The following GCSAML variants were observed in gnomAD, a reference collection of about 807,000 sequenced individuals.
GCSAML encodes the protein germinal center associated signaling and motility like.
A neutral mutation model predicts 13.0 loss-of-function variants in GCSAML; 9 were observed. The observed-to-expected ratio is 0.69, with a 90% CI of 0.42 to 1.21. The LOEUF (loss-of-function observed/expected upper bound fraction) is 1.21, where lower values mean the gene tolerates loss of function less well. Among genes scored for constraint, GCSAML ranks in the 50% most tolerant of loss-of-function variants. The probability of loss-of-function intolerance (pLI) is 0.00; values close to 1 mark genes in which losing one functional copy is unlikely to be tolerated. For missense variants in GCSAML, 143 were observed against 153.4 expected, an observed-to-expected ratio of 0.93 and a Z score of 0.36; for synonymous variants, 37 against 52.9, an observed-to-expected ratio of 0.70 and a Z score of 1.31.
upstream of GCSAML, among the ~76,000 whole-genome samples, chr1:247,548,839 G>A (rs897559032): frequency 7.9e-5 from 12 of 152,094 alleles, no homozygotes; most frequent in Non-Finnish European, 7.4e-5. The surrounding 1 kb of genome is among the most constrained non-coding windows in gnomAD (Gnocchi z 5.3). Context: ...ACCTTGTTTC[G>A]TCTTGCAATA....
Position 247,565,840 on chromosome 1 carries a change from G to T in GCSAML, c.140-91G>T. 11 of 1,037,320 alleles carry T rather than the reference G, an allele frequency of 1.1e-5. No homozygotes were observed. In the South Asian group the frequency reaches 1.6e-4, roughly 15 times the overall value. 64.3% of individuals were successfully genotyped at this position (1,037,320 alleles called of 1,614,324 possible). A position where few individuals can be genotyped will look rare whatever the true frequency, so the allele number is the denominator to read the frequency against. ...TGCAGTTTTATGACTTCTACATTCTGTTTTTTTCACCTTTTCCTTCAATCT... is the reference window on the plus strand; with the variant it reads ...TGCAGTTTTATGACTTCTACATTCTTTTTTTTTCACCTTTTCCTTCAATCT... On this transcript the variant is annotated intron_variant, in intron 3 of 4. Transcript: ENST00000366488.
chr1:247,558,613 A>G (rs531914968), intron 2 of GCSAML, among the ~76,000 whole-genome samples: 2 of 152,028 alleles, frequency 1.3e-5, no homozygotes, highest in East Asian at 3.9e-4. Context: ...TTTTATCTTT[A>G]TTGCATTCTT....
Position 247,541,151 on chromosome 1 carries a change from C to A in GCSAML, c.-147-7894C>A, listed in dbSNP as rs184319247. Among the ~76,000 whole-genome samples, 55 of 151,818 alleles carry A rather than the reference C, an allele frequency of 3.6e-4. 1 individual carries two copies. In the East Asian group the frequency reaches 0.01, roughly 29 times the overall value. ...ACCTATGCTGGTTTAAATTATAAAT[C>A]CTGTGACTATTTTCTTGCAAAAGCT... On this transcript the variant is annotated intron_variant, in intron 2 of 5. Transcript: ENST00000366489.
intron 1 of GCSAML, among the ~76,000 whole-genome samples, chr1:247,520,664 T>C (rs2052439617): frequency 6.6e-6 from 1 of 152,214 alleles, no homozygotes; most frequent in Admixed American, 6.5e-5. Flanking sequence ...TTTGCCTTTT[T>C]TTTACAGCCT....
intron 1 of GCSAML, among the ~76,000 whole-genome samples, chr1:247,549,939 C>G (rs1667709303): frequency 6.6e-6 from 1 of 152,220 alleles, no homozygotes; most frequent in African/African-American, 2.4e-5. Context: ...TCCAGACAAT[C>G]TTGCATATGA....
intron 1 of GCSAML, among the ~76,000 whole-genome samples, chr1:247,523,915 T>G (rs1666547408): frequency 6.6e-6 from 1 of 151,992 alleles, no homozygotes. Flanking sequence ...AGGTATAATT[T>G]GAAGCAAATA....
chr1:247,537,725 T>G (rs2103016579), intron 2 of GCSAML, among the ~76,000 whole-genome samples: 1 of 152,310 alleles, frequency 6.6e-6, no homozygotes, highest in Non-Finnish European at 1.5e-5. Flanking sequence ...TCATTGTGGT[T>G]TTGATTTGTG....
intron 1 of GCSAML, among the ~76,000 whole-genome samples, chr1:247,520,809 T>C (rs2103311187): frequency 6.6e-6 from 1 of 152,318 alleles, no homozygotes. Context: ...TTAAAAAAAT[T>C]ATAGACATTG....
At chr1:247,534,217 T>A (rs1667126473) in intron 2 of GCSAML, among the ~76,000 whole-genome samples, 1 of 152,200 alleles carries the variant, frequency 6.6e-6, no homozygotes, top group African/African-American at 2.4e-5. Flanking sequence ...CTCCACTAGA[T>A]CATAAATTCC....
upstream of GCSAML, among the ~76,000 whole-genome samples, chr1:247,546,719 T>C (rs948846898): frequency 6.6e-6 from 1 of 152,012 alleles, no homozygotes; most frequent in Non-Finnish European, 1.5e-5. Context: ...CAAAGGATGA[T>C]CCTATTTTTG....
intron 1 of GCSAML, among the ~76,000 whole-genome samples, chr1:247,508,375 T>C (rs1189437804): frequency 1.3e-5 from 2 of 152,228 alleles, no homozygotes; most frequent in East Asian, 3.8e-4. Context: ...GTTTTTTTCT[T>C]GTAAATTTGT....
chr1:247,571,599 G>C (rs1668614911), intron 4 of GCSAML, among the ~76,000 whole-genome samples: 1 of 152,196 alleles, frequency 6.6e-6, no homozygotes, highest in Non-Finnish European at 1.5e-5. Flanking sequence ...CCCTTTGTGG[G>C]TAACCCAACC....
chr1:247,563,335 A>G (rs1668209938), intron 2 of GCSAML, among the ~76,000 whole-genome samples: 1 of 152,214 alleles, frequency 6.6e-6, no homozygotes, highest in Non-Finnish European at 1.5e-5. Flanking sequence ...TGCGTGTAAT[A>G]ATATATGTAG....
At chr1:247,542,222 G>T (rs970166450) in intron 2 of GCSAML, among the ~76,000 whole-genome samples, 2 of 152,132 alleles carry the variant, frequency 1.3e-5, no homozygotes, top group East Asian at 1.9e-4. Flanking sequence ...GCTTTAGCAT[G>T]CTCTGATCAT....
chr1:247,520,589 T>G (rs1469200776), intron 1 of GCSAML, among the ~76,000 whole-genome samples: 1 of 152,146 alleles, frequency 6.6e-6, no homozygotes, highest in Non-Finnish European at 1.5e-5. Flanking sequence ...CCTAATACAG[T>G]TGTACTACAA....
At chr1:247,537,831 A>G (rs764648361) in intron 2 of GCSAML, among the ~76,000 whole-genome samples, 6 of 151,960 alleles carry the variant, frequency 3.9e-5, no homozygotes, top group Non-Finnish European at 7.4e-5. Flanking sequence ...TCTTTTGCCT[A>G]TTTTTTGATT....
intron 1 of GCSAML, among the ~76,000 whole-genome samples, chr1:247,513,964 T>C (rs1666127613): frequency 6.6e-6 from 1 of 151,986 alleles, no homozygotes; most frequent in African/African-American, 2.4e-5. Flanking sequence ...TTTGGCCATC[T>C]TGTCAGCCAC....
In GCSAML at chr1:247,576,055, A is replaced by T. The variant is rs1314341961; in HGVS notation, c.*1673A>T. On this transcript the variant is annotated 3_prime_UTR_variant, in exon 5 of 5. Coordinates refer to ENST00000366488, the MANE Select transcript of GCSAML (RefSeq NM_145278.5). ...TTTTTGGATTTTGGAATATTTCCAT[A>T]CATATAATGAGAGAGTTGGAAAATG... 1 of 152,198 alleles carries T rather than the reference A, an allele frequency of 6.6e-6. No individual in the cohort carries two copies. Among genetic ancestry groups the T allele is most frequent in the South Asian group, 2.1e-4 (1 of 4,834 alleles). 9.4% of individuals were successfully genotyped at this position (152,198 alleles called of 1,614,324 possible).
intron 1 of GCSAML, among the ~76,000 whole-genome samples, chr1:247,522,928 A>C (rs1474581778): frequency 3.9e-5 from 6 of 152,014 alleles, no homozygotes; most frequent in Non-Finnish European, 8.8e-5. Context: ...AAAAAAAAAA[A>C]AAAAAAACCA....
Sources: gnomAD v4.1 joint callset for allele counts (sites outside exome capture counted in the v4.1 genomes callset) on GRCh38, gnomAD v4.1.1 for gene constraint, Gnocchi (gnomAD v3.1) non-coding constraint, MANE v1.5 for transcripts, NCBI Gene and HGNC (gene_info 2026-07-23, HGNC 2026-07-21) for gene names.